RANBP2: variants seen among roughly 807,000 people sequenced by gnomAD.
RANBP2 encodes RAN binding protein 2, also known as E3 SUMO-protein ligase RanBP2.
Under a neutral mutation model 303.6 loss-of-function variants are expected in RANBP2, and 57 were observed. That is an observed-to-expected ratio of 0.19 (90% CI 0.15 to 0.23). The LOEUF (loss-of-function observed/expected upper bound fraction) is 0.23, where lower values mean the gene tolerates loss of function less well. Among genes scored for constraint, RANBP2 ranks in the 10% least tolerant of loss-of-function variants. RANBP2 has a pLI of 1.00. For synonymous variants in RANBP2, 1,167 were observed against 1,301.5 expected (o/e 0.90, Z 2.23); for missense variants, 3,138 against 3,780.8 (o/e 0.83, Z 4.46).
the RANBP2 span, among the ~76,000 whole-genome samples, chr2:108,810,861 A>G: frequency 1.3e-5 from 2 of 152,246 alleles, no homozygotes; most frequent in East Asian, 3.9e-4. Context: ...CAATCTTGTT[A>G]CTTATGATTG....
chr2:109,379,862 G>T, the RANBP2 span, among the ~76,000 whole-genome samples: 4 of 152,160 alleles, frequency 2.6e-5, no homozygotes, highest in African/African-American at 9.7e-5. Context: ...ACCCAATGGC[G>T]TGTCTCCTGG....
At chr2:109,691,745 C>T in the RANBP2 span, among the ~76,000 whole-genome samples, 1 of 150,854 alleles carries the variant, frequency 6.6e-6, no homozygotes, top group African/African-American at 2.4e-5. Flanking sequence ...CCTGTTTCCA[C>T]CTCCAACTTT....
chr2:109,303,478 T>C, the RANBP2 span, among the ~76,000 whole-genome samples: 1 of 152,210 alleles, frequency 6.6e-6, no homozygotes, highest in Non-Finnish European at 1.5e-5. Flanking sequence ...GATGAAACTT[T>C]TTAAGTGAAA....
the RANBP2 span, among the ~76,000 whole-genome samples, chr2:109,711,177 G>A: frequency 8.6e-5 from 13 of 151,994 alleles, no homozygotes; most frequent in South Asian, 2.1e-4. Flanking sequence ...AACTTCAGCC[G>A]CCCCGGCAAG....
the RANBP2 span, among the ~76,000 whole-genome samples, chr2:108,870,620 A>G: frequency 6.6e-6 from 1 of 152,262 alleles, no homozygotes; most frequent in South Asian, 2.1e-4. Context: ...TAAATGTGGT[A>G]TGTACATACG....
the RANBP2 span, among the ~76,000 whole-genome samples, chr2:109,632,825 A>AAAAC: frequency 1.3e-5 from 2 of 151,668 alleles, no homozygotes; most frequent in African/African-American, 4.8e-5. Context: ...TCTCAAAAAA[A>AAAAC]AAAACAAAAC....
At chr2:109,244,544 T>C in the RANBP2 span, among the ~76,000 whole-genome samples, 269 of 152,328 alleles carry the variant, frequency 1.8e-3, 1 homozygote, top group Non-Finnish European at 2.4e-3. Flanking sequence ...TGTTTGGAAC[T>C]GTTTTTAAGA....
In RANBP2 at chr2:108,784,014, A is replaced by G. The variant is rs1417108911; in HGVS notation, c.*113A>G. ...TGAAAATGGACGTTTCCGATTTACA[A>G]ATGTAAAATTGCAGCTTATAGCTGT... On this transcript the variant is annotated 3_prime_UTR_variant, in exon 29 of 29. Coordinates refer to ENST00000283195, the MANE Select transcript of RANBP2 (RefSeq NM_006267.5). 4 of 1,044,076 alleles carry G rather than the reference A, an allele frequency of 3.8e-6. No individual in the cohort carries two copies. The East Asian group carries it at 7.7e-5, about 20-fold the overall frequency. 64.7% of individuals were successfully genotyped at this position (1,044,076 alleles called of 1,614,324 possible).
At chr2:108,791,663 A>G in the RANBP2 span, 2 of 1,601,222 alleles carry the variant, frequency 1.2e-6, no homozygotes, top group African/African-American at 2.7e-5. Flanking sequence ...TGATACAATT[A>G]TTTTTTTAAA....
At chr2:108,854,324 T>G in the RANBP2 span, among the ~76,000 whole-genome samples, 1 of 151,590 alleles carries the variant, frequency 6.6e-6, no homozygotes. Flanking sequence ...TTACTTCAAC[T>G]CTATAGTCAG....
intron 2 of RANBP2, among the ~76,000 whole-genome samples, chr2:108,729,519 G>T (rs1187272097): frequency 2.6e-5 from 4 of 152,148 alleles, no homozygotes; most frequent in African/African-American, 4.8e-5. Context: ...TTAGATATCT[G>T]ATACCTTAAT....
chr2:109,309,330 A>G, the RANBP2 span, among the ~76,000 whole-genome samples: 1 of 150,600 alleles, frequency 6.6e-6, no homozygotes, highest in Non-Finnish European at 1.5e-5. Flanking sequence ...TTGGGCTGAG[A>G]CAAAAGAGCT....
the RANBP2 span, among the ~76,000 whole-genome samples, chr2:108,947,159 C>T: frequency 6.6e-6 from 1 of 152,228 alleles, no homozygotes; most frequent in Non-Finnish European, 1.5e-5. Flanking sequence ...CCTGGCCGGG[C>T]AGTCATTAAA....
chr2:108,965,849 T>C, the RANBP2 span, among the ~76,000 whole-genome samples: 1 of 152,128 alleles, frequency 6.6e-6, no homozygotes, highest in Non-Finnish European at 1.5e-5. Context: ...CATCATGTAC[T>C]CTCCCTCCAC....
chr2:108,755,217 T>C lies in RANBP2; in HGVS notation c.2424T>C (p.Asn808=), dbSNP rs1165796275. Residue 808 remains asparagine, a synonymous_variant, in exon 17 of 29, where the codon AAT becomes AAC. Transcript: ENST00000283195. ...KTPPRWAEDQ[N]SLLKMICQQV... is the part of the protein sequence containing the mutation. The stretch of plus-strand genomic sequence containing the variant: ...CACCTCGATGGGCAGAAGATCAGAA[T>C]TCTTTACTGAAAATGATTTGCCAAC... 1 of 1,611,940 alleles carries C rather than the reference T, an allele frequency of 6.2e-7. No homozygotes were observed. Among genetic ancestry groups the C allele is most frequent in the Non-Finnish European group, 8.5e-7 (1 of 1,179,842 alleles).
At chr2:109,471,206 C>CAAAAAAAAAAAA in the RANBP2 span, among the ~76,000 whole-genome samples, 1 of 40,142 alleles carries the variant, frequency 2.5e-5, no homozygotes, top group Non-Finnish European at 6.5e-5. Flanking sequence ...GACTCTGTCT[C>CAAAAAAAAAAAA]AAAAAAAAAA....
chr2:108,971,507 G>A, the RANBP2 span, among the ~76,000 whole-genome samples: 1 of 151,834 alleles, frequency 6.6e-6, no homozygotes, highest in South Asian at 2.1e-4. Flanking sequence ...CCAGGCATCA[G>A]TCTTTTTGAA....
chr2:109,037,558 T>A, the RANBP2 span, among the ~76,000 whole-genome samples: 38 of 151,982 alleles, frequency 2.5e-4, 1 homozygote, highest in South Asian at 3.7e-3. Context: ...ACTTAGAAAA[T>A]CCCAAGGAAT....
the RANBP2 span, among the ~76,000 whole-genome samples, chr2:108,944,994 G>A: frequency 3.9e-5 from 6 of 152,278 alleles, no homozygotes; most frequent in East Asian, 9.7e-4. Context: ...AGTGATCACC[G>A]TATTATACCA....
Sources: allele counts gnomAD v4.1 joint callset (sites outside exome capture counted in the v4.1 genomes callset), GRCh38; gene constraint gnomAD v4.1.1; transcripts MANE v1.5; gene names NCBI Gene and HGNC (gene_info 2026-07-23, HGNC 2026-07-21).